The following HTR4 variants were observed in gnomAD, a reference collection of about 807,000 sequenced individuals.
The protein encoded by HTR4 is 5-hydroxytryptamine receptor 4, also known as 5-hydroxytryptamine (serotonin) receptor 4, G protein-coupled.
HTR4 carries 16 observed loss-of-function variants against 36.8 expected under a neutral mutation model. That is an observed-to-expected ratio of 0.43 (90% CI 0.29 to 0.66). The LOEUF is 0.66. Among genes scored for constraint, HTR4 ranks in the 30% least tolerant of loss-of-function variants. The pLI is 0.13. For synonymous variants in HTR4, 189 were observed against 185.1 expected, an observed-to-expected ratio of 1.02 and a Z score of -0.17; for missense variants, 438 against 490.9, an observed-to-expected ratio of 0.89 and a Z score of 1.02.
intron 2 of HTR4, among the ~76,000 whole-genome samples, chr5:148,569,211 C>T (rs1760575222): frequency 6.6e-6 from 1 of 151,782 alleles, no homozygotes; most frequent in Admixed American, 6.6e-5. Flanking sequence ...TATGTTTTTT[C>T]TCAGTACCTT....
At chr5:148,551,701 C>T (rs936015159) in intron 2 of HTR4, among the ~76,000 whole-genome samples, 7 of 152,098 alleles carry the variant, frequency 4.6e-5, no homozygotes, top group African/African-American at 1.7e-4. Flanking sequence ...GAAGAATTGT[C>T]GTGGGTCACA....
intron 2 of HTR4, among the ~76,000 whole-genome samples, chr5:148,598,332 G>T (rs1254173379): frequency 1.3e-5 from 2 of 152,102 alleles, no homozygotes; most frequent in East Asian, 1.9e-4. Flanking sequence ...ATCACCTGAG[G>T]TCAGGAGTTT....
At chr5:148,651,621 G>A (rs1158776730) in intron 1 of HTR4, among the ~76,000 whole-genome samples, 5 of 151,952 alleles carry the variant, frequency 3.3e-5, no homozygotes, top group East Asian at 1.9e-4. Context: ...TCACAACAAC[G>A]AACCATCTAG....
intron 5 of HTR4, among the ~76,000 whole-genome samples, chr5:148,469,668 ACCAAATGGCTGGAATCCAATTATC>A (rs1755516618): frequency 6.6e-6 from 1 of 152,210 alleles, no homozygotes; most frequent in Admixed American, 6.5e-5. Flanking sequence ...CAGTCCTGAG[ACCAAATGGCTGGAATCCAATTATC>A]CCAGCTTCCT....
downstream of HTR4, chr5:148,476,487 GA>G (rs768178045): frequency 1.5e-4 from 149 of 1,011,716 alleles, no homozygotes; most frequent in Non-Finnish European, 1.7e-4. Context: ...GTCACAGAAA[GA>G]GTTTTCTCTT....
intron 1 of HTR4, among the ~76,000 whole-genome samples, chr5:148,651,181 A>G (rs1432007643): frequency 6.6e-6 from 1 of 152,174 alleles, no homozygotes; most frequent in Non-Finnish European, 1.5e-5. Flanking sequence ...GGCACATATC[A>G]AGGTCTAGAT....
intron 2 of HTR4, among the ~76,000 whole-genome samples, chr5:148,568,373 T>C (rs1289117206): frequency 3.9e-5 from 6 of 152,140 alleles, no homozygotes; most frequent in Non-Finnish European, 8.8e-5. Context: ...ATACATAGGG[T>C]CTGATAATTA....
At chr5:148,506,404 TA>T (rs1021746654) in intron 6 of HTR4, among the ~76,000 whole-genome samples, 88 of 152,092 alleles carry the variant, frequency 5.8e-4, no homozygotes, top group African/African-American at 2.1e-3. Context: ...ATGTCAGACC[TA>T]AAACCATAAA....
chr5:148,617,591 C>A (rs567006175), intron 2 of HTR4, among the ~76,000 whole-genome samples: 3 of 151,958 alleles, frequency 2.0e-5, no homozygotes, highest in Non-Finnish European at 4.4e-5. Flanking sequence ...GCCTCAACCT[C>A]CTGAGTAGCT....
intron 2 of HTR4, among the ~76,000 whole-genome samples, chr5:148,555,954 A>G: frequency 6.6e-6 from 1 of 151,834 alleles, no homozygotes; most frequent in Non-Finnish European, 1.5e-5. Context: ...TGTCACACAC[A>G]CACACACACA....
At chr5:148,560,326 G>A (rs1760150125) in intron 2 of HTR4, among the ~76,000 whole-genome samples, 2 of 151,948 alleles carry the variant, frequency 1.3e-5, no homozygotes, top group Non-Finnish European at 2.9e-5. Context: ...GGATCATCTG[G>A]AGGGCTGGGT....
At chr5:148,491,127 T>C (rs1323300241) in intron 6 of HTR4, among the ~76,000 whole-genome samples, 3 of 152,074 alleles carry the variant, frequency 2.0e-5, no homozygotes, top group African/African-American at 7.2e-5. Flanking sequence ...TTGGAGGAGA[T>C]TTCTTCCTGA....
chr5:148,529,268 G>C (rs1758436758), intron 4 of HTR4, among the ~76,000 whole-genome samples: 1 of 152,070 alleles, frequency 6.6e-6, no homozygotes, highest in Admixed American at 6.5e-5. Context: ...AAATCCTCAA[G>C]TCCTCTGATA....
At chr5:148,547,570 TAAATAA>T (rs1319301500) in intron 4 of HTR4, among the ~76,000 whole-genome samples, 25 of 104,980 alleles carry the variant, frequency 2.4e-4, no homozygotes, top group African/African-American at 6.8e-4. Context: ...ATAAAATAAA[TAAATAA>T]AAATAAATGA....
At chr5:148,473,052 C>T (rs1755609617), downstream of HTR4, among the ~76,000 whole-genome samples, 1 of 152,066 alleles carries the variant, frequency 6.6e-6, no homozygotes, top group Admixed American at 6.6e-5. Flanking sequence ...GTTATCCTAG[C>T]ACTTTGGGAG....
chr5:148,501,149 CAGA>C (rs1190822740), intron 6 of HTR4, among the ~76,000 whole-genome samples: 1 of 151,944 alleles, frequency 6.6e-6, no homozygotes, highest in East Asian at 1.9e-4. Context: ...ATTTTTAGTA[CAGA>C]AGATTATGGA....
chr5:148,490,483 C>A, intron 6 of HTR4: 1 of 685,190 alleles, frequency 1.5e-6, no homozygotes, highest in South Asian at 6.0e-5. Flanking sequence ...GTTACACTGG[C>A]TGAAATAGAG....
At chr5:148,451,553 T>C (rs1285033898) in intron 5 of HTR4, among the ~76,000 whole-genome samples, 4 of 152,128 alleles carry the variant, frequency 2.6e-5, no homozygotes, top group African/African-American at 9.7e-5. Context: ...CCCAGATTTC[T>C]TACTGCCAAC....
At chr5:148,573,181 A>G (rs537743403) in intron 2 of HTR4, among the ~76,000 whole-genome samples, 1 of 152,204 alleles carries the variant, frequency 6.6e-6, no homozygotes, top group East Asian at 1.9e-4. Flanking sequence ...AGAGAAAATG[A>G]AAGGTACTTT....
Sources: gnomAD v4.1 joint callset for allele counts (sites outside exome capture counted in the v4.1 genomes callset) on GRCh38, gnomAD v4.1.1 for gene constraint, MANE v1.5 for transcripts, NCBI Gene and HGNC (gene_info 2026-07-23, HGNC 2026-07-21) for gene names.